ZBTB20: variants seen among roughly 807,000 people sequenced by gnomAD.
The protein encoded by ZBTB20 is zinc finger and BTB domain-containing protein 20.
Under a neutral mutation model 56.9 loss-of-function variants are expected in ZBTB20, and 9 were observed. The ratio of observed to expected loss-of-function variants is 0.16; its 90% CI spans 0.10 to 0.28. The LOEUF (loss-of-function observed/expected upper bound fraction) is 0.28, where lower values mean the gene tolerates loss of function less well. Among genes scored for constraint, ZBTB20 ranks in the 10% least tolerant of loss-of-function variants. ZBTB20 has a pLI of 1.00. For missense variants in ZBTB20, 655 were observed against 1,003.0 expected (o/e 0.65, Z 4.69); for synonymous variants, 417 against 420.7 (o/e 0.99, Z 0.11).
intron 6 of ZBTB20, among the ~76,000 whole-genome samples, chr3:114,637,871 C>A (rs2059359441): frequency 6.6e-6 from 1 of 151,928 alleles, no homozygotes; most frequent in South Asian, 2.1e-4. Context: ...ATCTTATAGT[C>A]CAGCTTATGT....
intron 3 of ZBTB20, among the ~76,000 whole-genome samples, chr3:114,964,811 T>C (rs2077587927): frequency 1.3e-5 from 2 of 152,054 alleles, no homozygotes; most frequent in African/African-American, 4.8e-5. Context: ...ATATGAGGGA[T>C]AGGAAAAGGT....
At chr3:114,995,678 A>G (rs1384257975) in intron 2 of ZBTB20, among the ~76,000 whole-genome samples, 1 of 151,898 alleles carries the variant, frequency 6.6e-6, no homozygotes, top group Admixed American at 6.6e-5. Flanking sequence ...ATTGAAAATA[A>G]TACCATAGTA....
At chr3:114,647,876 C>A (rs766088920) in intron 6 of ZBTB20, among the ~76,000 whole-genome samples, 1 of 152,116 alleles carries the variant, frequency 6.6e-6, no homozygotes, top group Non-Finnish European at 1.5e-5. Context: ...TCTCTTTAAT[C>A]TTCCAATTGA....
chr3:114,914,546 G>A (rs1311898567), intron 3 of ZBTB20, among the ~76,000 whole-genome samples: 1 of 151,814 alleles, frequency 6.6e-6, no homozygotes, highest in African/African-American at 2.4e-5. Flanking sequence ...CAGTTTGGAT[G>A]AGCATTATTT....
chr3:114,765,473 A>T (rs2108718011), intron 5 of ZBTB20, among the ~76,000 whole-genome samples: 1 of 152,216 alleles, frequency 6.6e-6, no homozygotes, highest in African/African-American at 2.4e-5. Flanking sequence ...CGATTGCCAT[A>T]AACTCCAGAA....
chr3:114,359,647 T>C (rs2081600496), intron 10 of ZBTB20: 1 of 152,180 alleles, frequency 6.6e-6, no homozygotes, highest in Non-Finnish European at 1.5e-5. Flanking sequence ...TCACTAAATC[T>C]GGGGAACAAA....
chr3:115,103,480 A>G (rs549083582), intron 1 of ZBTB20, among the ~76,000 whole-genome samples: 24 of 152,352 alleles, frequency 1.6e-4, no homozygotes, highest in Non-Finnish European at 3.1e-4. Context: ...TCAAGAATGC[A>G]TGATGCTGGC....
At chr3:114,523,098 G>A (rs1270411253) in intron 6 of ZBTB20, among the ~76,000 whole-genome samples, 1 of 151,768 alleles carries the variant, frequency 6.6e-6, no homozygotes. Flanking sequence ...AGAGACTGAG[G>A]AGGAGTAGAC....
chr3:114,455,345 T>G (rs1335057617), intron 7 of ZBTB20, among the ~76,000 whole-genome samples: 2 of 152,114 alleles, frequency 1.3e-5, no homozygotes, highest in Non-Finnish European at 2.9e-5. Context: ...GCAATACTGC[T>G]CGTACTGACA....
intron 10 of ZBTB20, among the ~76,000 whole-genome samples, chr3:114,378,795 A>G (rs1419756541): frequency 6.6e-6 from 1 of 152,182 alleles, no homozygotes; most frequent in African/African-American, 2.4e-5. Context: ...TGTCATTACT[A>G]TTACACTGAA....
intron 6 of ZBTB20, among the ~76,000 whole-genome samples, chr3:114,542,551 C>A (rs1474070302): frequency 6.6e-6 from 1 of 152,064 alleles, no homozygotes; most frequent in Non-Finnish European, 1.5e-5. Context: ...AGAGGAGGGG[C>A]TGGGGAAGGG....
intron 1 of ZBTB20, among the ~76,000 whole-genome samples, chr3:115,140,472 G>A (rs1457603611): frequency 6.6e-6 from 1 of 151,940 alleles, no homozygotes; most frequent in African/African-American, 2.4e-5. Flanking sequence ...TCAAAACCAT[G>A]GAAAAGGCCA....
At chr3:114,627,064 C>G (rs1178734485) in intron 6 of ZBTB20, among the ~76,000 whole-genome samples, 2 of 152,168 alleles carry the variant, frequency 1.3e-5, no homozygotes, top group Non-Finnish European at 2.9e-5. Flanking sequence ...TAGACCTGGT[C>G]AAGCATTATC....
chr3:115,036,810 C>CT (rs1405333168), intron 2 of ZBTB20, among the ~76,000 whole-genome samples: 2 of 152,128 alleles, frequency 1.3e-5, no homozygotes, highest in African/African-American at 4.8e-5. Context: ...TAGCATTAAC[C>CT]TTTTTTCTAA....
At chr3:114,987,699 T>C (rs1045020193) in intron 2 of ZBTB20, among the ~76,000 whole-genome samples, 1 of 152,136 alleles carries the variant, frequency 6.6e-6, no homozygotes. Flanking sequence ...AAGCTGACAG[T>C]CACTTGCTCT....
intron 10 of ZBTB20, among the ~76,000 whole-genome samples, chr3:114,352,123 T>G (rs1296582532): frequency 6.6e-6 from 1 of 152,234 alleles, no homozygotes; most frequent in Non-Finnish European, 1.5e-5. Context: ...GTATCCATAT[T>G]AACTCCCCAG....
intron 4 of ZBTB20, among the ~76,000 whole-genome samples, chr3:114,828,763 T>A (rs1234022559): frequency 1.3e-5 from 2 of 151,870 alleles, no homozygotes; most frequent in East Asian, 1.9e-4. Context: ...AATTCTGAGG[T>A]TGACTATGGA....
rs565956571 is a variant in ZBTB20 at position 114,894,463 on chromosome 3, CA to C, written c.-417+5840del. On this transcript the variant is annotated intron_variant, in intron 4 of 11. Transcript: ENST00000675478. ...ACTAAATTTTGTTCCCCAACCCCTC[CA>C]AAAAAAAACATGTGTTGGAGTTCTA... 2.0e-5 allele frequency among the ~76,000 whole-genome samples: 3 copies of C among 150,428 alleles called. No individual in the cohort carries two copies. The South Asian group carries it at 6.3e-4, about 32-fold the overall frequency.
chr3:115,044,643 C>T (rs542830774), intron 2 of ZBTB20, among the ~76,000 whole-genome samples: 1 of 152,178 alleles, frequency 6.6e-6, no homozygotes, highest in Middle Eastern at 3.2e-3. Flanking sequence ...TTAAAACATA[C>T]CAATGCCAGA....
Sources: allele counts gnomAD v4.1 joint callset (sites outside exome capture counted in the v4.1 genomes callset), GRCh38; gene constraint gnomAD v4.1.1; transcripts MANE v1.5; gene names NCBI Gene and HGNC (gene_info 2026-07-23, HGNC 2026-07-21).